The following CLEC9A variants were observed in gnomAD, a reference collection of about 807,000 sequenced individuals.
CLEC9A encodes the protein C-type lectin domain containing 9A, also known as C-type lectin domain family 9 member A.
Under a neutral mutation model 30.0 loss-of-function variants are expected in CLEC9A, and 24 were observed. That is an observed-to-expected ratio of 0.80 (90% CI 0.58 to 1.13). The LOEUF (loss-of-function observed/expected upper bound fraction) is 1.13, where lower values mean the gene tolerates loss of function less well. Among genes scored for constraint, CLEC9A ranks in the 50% most tolerant of loss-of-function variants. The pLI, the probability that CLEC9A is intolerant of heterozygous loss-of-function variation, is 0.00. For missense variants in CLEC9A, 251 were observed against 280.9 expected (o/e 0.89, Z 0.76); for synonymous variants, 111 against 96.8 (o/e 1.15, Z -0.86).
intron 1 of CLEC9A, among the ~76,000 whole-genome samples, chr12:10,040,537 G>T (rs1264017866): frequency 6.7e-6 from 1 of 150,026 alleles, no homozygotes; most frequent in Non-Finnish European, 1.5e-5. Flanking sequence ...TGTAAGTTCC[G>T]CCTCCCAGGT....
Position 10,061,212 on chromosome 12 carries a change from G to A in CLEC9A, c.258G>A (p.Lys86=), listed in dbSNP as rs774850512. The part of the protein sequence containing the change: ...ERALLNFTEW[K]RSCALQMKYC... The stretch of plus-strand genomic sequence containing the variant: ...CACTGCTAAACTTTACAGAATGGAA[G>A]AGAAGCTGTGCCCTTCAGATGAAAT... The change falls in exon 6 of 9, where the codon AAG becomes AAA. Residue 86 remains lysine (K), a synonymous_variant. Coordinates refer to ENST00000355819, the MANE Select transcript of CLEC9A (RefSeq NM_207345.4). 23 of 1,612,328 alleles carry A rather than the reference G, an allele frequency of 1.4e-5. No individual in the cohort carries two copies. The highest frequency in any genetic ancestry group is 3.3e-4 in the Middle Eastern group (2 of 6,054).
intron 1 of CLEC9A, among the ~76,000 whole-genome samples, chr12:10,040,212 G>C (rs79203018): frequency 0.014 from 2,069 of 152,302 alleles, 25 homozygotes; most frequent in Middle Eastern, 0.02. Context: ...CAGAAAATGA[G>C]TTCCTTCACC....
chr12:10,034,717 C>T (rs1234250465), intron 1 of CLEC9A, among the ~76,000 whole-genome samples: 1 of 152,146 alleles, frequency 6.6e-6, no homozygotes, highest in Non-Finnish European at 1.5e-5. Flanking sequence ...TTCTTCAGTG[C>T]CCCGCTACTC....
chr12:10,039,504 C>T (rs933356066), intron 1 of CLEC9A, among the ~76,000 whole-genome samples: 1 of 152,168 alleles, frequency 6.6e-6, no homozygotes, highest in African/African-American at 2.4e-5. Context: ...TATTTTGTCC[C>T]TCTTCCTATC....
chr12:10,036,752 G>C (rs891522818), intron 1 of CLEC9A, among the ~76,000 whole-genome samples: 1 of 152,178 alleles, frequency 6.6e-6, no homozygotes, highest in African/African-American at 2.4e-5. Flanking sequence ...TCAAAGTGTA[G>C]TAGAAAGAAT....
At chr12:10,063,386 A>C (rs964151654) in intron 7 of CLEC9A, among the ~76,000 whole-genome samples, 180 bp downstream of exon 7, 1 of 152,208 alleles carries the variant, frequency 6.6e-6, no homozygotes, top group Non-Finnish European at 1.5e-5. Context: ...TTTTAATGGG[A>C]AAACATAAAA....
rs994311729 is a variant in CLEC9A at position 10,040,445 on chromosome 12, A to G, written c.-317-1021A>G. 2.8e-5 allele frequency among the ~76,000 whole-genome samples: 4 copies of G among 145,302 alleles called. No homozygotes were observed. The East Asian group carries it at 7.9e-4, about 29-fold the overall frequency. On this transcript the variant is annotated intron_variant, in intron 1 of 8. Transcript: ENST00000355819. ...CGTGTATCTAGTAAACTCTTCATAC[A>G]TTGGCAATTTTTTTTTTTTTTTTGA...
At position 10,047,197 on chromosome 12, in the gene CLEC9A, T is replaced by G. The variant is rs147794434; in HGVS notation, c.-162-4794T>G. 1.6e-3 allele frequency among the ~76,000 whole-genome samples: 250 copies of G among 152,368 alleles called. 7 individuals are homozygous for G. The East Asian group carries it at 0.044, about 27-fold the overall frequency. ...TTGGAGTGAATGTATTATTATTTTC[T>G]TATTTTTAACTGTTTATTTAGAGAA... On this transcript the variant is annotated intron_variant, in intron 2 of 8. Transcript: ENST00000355819.
intron 1 of CLEC9A, among the ~76,000 whole-genome samples, chr12:10,035,094 C>G (rs1254293455): frequency 6.6e-6 from 1 of 152,212 alleles, no homozygotes; most frequent in African/African-American, 2.4e-5. Flanking sequence ...ATTGTCCCGG[C>G]CAAACTCTGC....
At chr12:10,032,686 C>T (rs1865710480) in intron 1 of CLEC9A, among the ~76,000 whole-genome samples, 1 of 152,004 alleles carries the variant, frequency 6.6e-6, no homozygotes, top group African/African-American at 2.4e-5. Flanking sequence ...CCACCGCGCC[C>T]GGCCAATAGG....
intron 5 of CLEC9A, 30 bp downstream of exon 5, chr12:10,054,381 G>T (rs1565592250): frequency 7.1e-7 from 1 of 1,412,174 alleles, no homozygotes; most frequent in Admixed American, 1.8e-5. Flanking sequence ...TTCAAAATAT[G>T]TATATCGTTA....
At chr12:10,061,376 A>G in intron 6 of CLEC9A, 103 bp downstream of exon 6, 1 of 1,184,150 alleles carries the variant, frequency 8.4e-7, no homozygotes. Context: ...AACTGTTAGG[A>G]TTTTATAATA....
chr12:10,047,291 T>G (rs56225557), intron 2 of CLEC9A, among the ~76,000 whole-genome samples: 1,881 of 152,278 alleles, frequency 0.012, 25 homozygotes, highest in African/African-American at 0.042. Flanking sequence ...TTGTTTCGTC[T>G]CCCAAAAATG....
At chr12:10,043,477 A>G (rs762032498) in intron 2 of CLEC9A, among the ~76,000 whole-genome samples, 3 of 152,142 alleles carry the variant, frequency 2.0e-5, no homozygotes, top group Non-Finnish European at 4.4e-5. Context: ...CCTACTTCAA[A>G]CAAGAGAGCA....
chr12:10,058,752 C>T (rs531945455), intron 5 of CLEC9A, among the ~76,000 whole-genome samples: 1 of 152,246 alleles, frequency 6.6e-6, no homozygotes, highest in East Asian at 1.9e-4. Flanking sequence ...GCCATGTTGG[C>T]CATGGTGGTC....
At chr12:10,044,189 G>A (rs994011757) in intron 2 of CLEC9A, among the ~76,000 whole-genome samples, 1 of 152,142 alleles carries the variant, frequency 6.6e-6, no homozygotes, top group Non-Finnish European at 1.5e-5. Flanking sequence ...CAAATAGGCT[G>A]TTAGCACCAG....
At chr12:10,043,636 G>GTA (rs1299287707) in intron 2 of CLEC9A, among the ~76,000 whole-genome samples, 1 of 149,498 alleles carries the variant, frequency 6.7e-6, no homozygotes, top group Non-Finnish European at 1.5e-5. Context: ...GTGTGTGTGT[G>GTA]TCTTTAAATT....
intron 5 of CLEC9A, 155 bp from the exon 6 acceptor site, chr12:10,060,972 T>C: frequency 1.1e-6 from 1 of 877,760 alleles, no homozygotes; most frequent in Non-Finnish European, 1.6e-6. Context: ...AGTGTTTGAT[T>C]CTTGTACAAT....
At chr12:10,064,883 A>T in intron 8 of CLEC9A, 30 bp downstream of exon 8, 1 of 1,597,670 alleles carries the variant, frequency 6.3e-7, no homozygotes, top group South Asian at 1.1e-5. Context: ...GCTACAAGAA[A>T]AGTTAGAAAC....
Sources: gnomAD v4.1 joint callset for allele counts (sites outside exome capture counted in the v4.1 genomes callset) on GRCh38, gnomAD v4.1.1 for gene constraint, MANE v1.5 for transcripts, NCBI Gene and HGNC (gene_info 2026-07-23, HGNC 2026-07-21) for gene names.